The following UQCC1 variants were observed in gnomAD, a reference collection of about 807,000 sequenced individuals.
The protein encoded by UQCC1 is ubiquinol-cytochrome c reductase complex assembly factor 1, also known as bFGF-repressed Zic-binding protein.
In UQCC1, 38 loss-of-function variants were observed where a neutral mutation model predicts 48.0. The observed-to-expected ratio is 0.79, with a 90% CI of 0.61 to 1.04. The LOEUF (loss-of-function observed/expected upper bound fraction) is 1.04. UQCC1 is among the 50% of genes least tolerant of loss of function. The pLI is 0.00. For synonymous variants in UQCC1, 111 were observed against 129.2 expected, an observed-to-expected ratio of 0.86 and a Z score of 0.95; for missense variants, 368 against 381.8, an observed-to-expected ratio of 0.96 and a Z score of 0.30.
At chr20:35,404,347 G>C (rs971328217) in intron 1 of UQCC1, among the ~76,000 whole-genome samples, 1 of 148,002 alleles carries the variant, frequency 6.8e-6, no homozygotes, top group Non-Finnish European at 1.5e-5. Flanking sequence ...TCCAGCCTGG[G>C]TGACAGAGCG....
intron 4 of UQCC1, among the ~76,000 whole-genome samples, chr20:35,379,177 A>C (rs2061837520): frequency 6.6e-6 from 1 of 152,256 alleles, no homozygotes; most frequent in Non-Finnish European, 1.5e-5. Flanking sequence ...TGATTCCAAG[A>C]TACTCAAATA....
intron 5 of UQCC1, among the ~76,000 whole-genome samples, chr20:35,372,944 T>C (rs2061751664): frequency 1.3e-5 from 2 of 152,216 alleles, no homozygotes; most frequent in African/African-American, 4.8e-5. Flanking sequence ...TTCATTGTTG[T>C]GAACACAATT....
chr20:35,411,414 G>T (rs1233706483), intron 1 of UQCC1, among the ~76,000 whole-genome samples: 1 of 152,192 alleles, frequency 6.6e-6, no homozygotes, highest in East Asian at 1.9e-4. Flanking sequence ...TTCTCACGCA[G>T]CTTTCAATCT....
At chr20:35,368,912 T>C (rs1343573764) in intron 5 of UQCC1, among the ~76,000 whole-genome samples, 1 of 152,208 alleles carries the variant, frequency 6.6e-6, no homozygotes, top group Non-Finnish European at 1.5e-5. Flanking sequence ...ACCCTCCACC[T>C]AGACAAGAAT....
chr20:35,387,814 T>A (rs1175412232), intron 2 of UQCC1, among the ~76,000 whole-genome samples: 2 of 136,892 alleles, frequency 1.5e-5, no homozygotes, highest in Non-Finnish European at 3.3e-5. Flanking sequence ...TTTTTTTTTT[T>A]AAGTTTCATT....
intron 2 of UQCC1, among the ~76,000 whole-genome samples, chr20:35,392,626 C>T (rs1008699336): frequency 3.3e-5 from 5 of 152,156 alleles, no homozygotes; most frequent in Admixed American, 1.3e-4. Context: ...TGCATAACTA[C>T]CCAAAGTAGA....
At chr20:35,377,074 C>G (rs2061810817) in intron 4 of UQCC1, among the ~76,000 whole-genome samples, 1 of 151,984 alleles carries the variant, frequency 6.6e-6, no homozygotes, top group Non-Finnish European at 1.5e-5. Flanking sequence ...TTCAATAAGG[C>G]CAACCTTATC....
At chr20:35,316,136 G>C (rs1479727341) in intron 7 of UQCC1, among the ~76,000 whole-genome samples, 1 of 152,216 alleles carries the variant, frequency 6.6e-6, no homozygotes, top group Non-Finnish European at 1.5e-5. Flanking sequence ...GTATAGCACA[G>C]AGTAAGGACT....
chr20:35,348,121 A>G (rs2146391431), intron 6 of UQCC1, among the ~76,000 whole-genome samples: 1 of 152,308 alleles, frequency 6.6e-6, no homozygotes, highest in Middle Eastern at 3.4e-3. Flanking sequence ...CCAGGGCTTA[A>G]GTACAGTAGG....
At chr20:35,316,429 T>C (rs1235055344) in intron 7 of UQCC1, among the ~76,000 whole-genome samples, 1 of 152,158 alleles carries the variant, frequency 6.6e-6, no homozygotes, top group East Asian at 1.9e-4. Flanking sequence ...GAGTCCACAC[T>C]CCTTACAGTC....
rs916517967 is a variant in UQCC1, at chr20:35,411,943, G to C, written c.21C>G (p.Val7=). The C allele has an allele frequency of 1.1e-5, 18 of 1,614,048 alleles. No individual in the cohort carries two copies. Among genetic ancestry groups the C allele is most frequent in the Middle Eastern group, 1.6e-4 (1 of 6,084 alleles). The change falls in exon 1 of 10, where the codon GTC becomes GTG. Residue 7 remains valine, a synonymous_variant. Transcript: ENST00000374385. MALLVR[V]LRNQTSISQW... is the part of the protein sequence containing the mutation. ...AGAAAATTACTCCTTCACTCACAAG[G>C]ACTCGCACCAGCAACGCCATGTTCC... is the stretch of plus-strand genomic sequence containing the variant.
At chr20:35,400,547 G>C (rs980093241) in intron 1 of UQCC1, among the ~76,000 whole-genome samples, 16 of 150,272 alleles carry the variant, frequency 1.1e-4, no homozygotes, top group Non-Finnish European at 2.1e-4. Context: ...CCAGGCTGGA[G>C]TGCAGTGGTG....
Position 35,370,563 on chromosome 20 carries a change from T to G in UQCC1, c.406+3621A>C, listed in dbSNP as rs559502574. Reference sequence around the variant, plus strand: ...ATGACAAAGATGGGCCACAACAGAATGTAATAAAAATGAACATGCTATAGG... The same window carrying G: ...ATGACAAAGATGGGCCACAACAGAAGGTAATAAAAATGAACATGCTATAGG... On this transcript the variant is annotated intron_variant, in intron 5 of 9. Transcript: ENST00000374385. Among the ~76,000 whole-genome samples, 3 of 152,280 alleles carry G rather than the reference T, an allele frequency of 2.0e-5. No individual in the cohort carries two copies. In the East Asian group the frequency reaches 5.8e-4, roughly 29 times the overall value.
At chr20:35,369,709 T>C (rs1164349092) in intron 5 of UQCC1, among the ~76,000 whole-genome samples, 4 of 152,254 alleles carry the variant, frequency 2.6e-5, no homozygotes, top group Non-Finnish European at 5.9e-5. Context: ...ATAAGGCCTA[T>C]AAAATGTTTA....
At chr20:35,322,103 A>G (rs2061137822) in intron 7 of UQCC1, among the ~76,000 whole-genome samples, 1 of 152,174 alleles carries the variant, frequency 6.6e-6, no homozygotes, top group African/African-American at 2.4e-5. Context: ...TATAGCTATA[A>G]TCTACTTTGG....
At chr20:35,369,828 C>G (rs901893383) in intron 5 of UQCC1, among the ~76,000 whole-genome samples, 2 of 152,170 alleles carry the variant, frequency 1.3e-5, no homozygotes, top group Non-Finnish European at 2.9e-5. Flanking sequence ...AAAAACCCCA[C>G]TAATTATTTC....
chr20:35,309,655 T>C (rs1028250081), intron 8 of UQCC1, among the ~76,000 whole-genome samples: 2 of 152,174 alleles, frequency 1.3e-5, no homozygotes, highest in African/African-American at 4.8e-5. Context: ...TTTTCCCTCG[T>C]GACACAATGA....
intron 5 of UQCC1, among the ~76,000 whole-genome samples, chr20:35,369,013 C>G (rs537131805): frequency 6.6e-6 from 1 of 152,342 alleles, no homozygotes; most frequent in Non-Finnish European, 1.5e-5. Flanking sequence ...TCTTGGAAGT[C>G]TGTCTTTCAA....
Position 35,304,053 on chromosome 20 carries a change from G to A in UQCC1, c.782C>T (p.Ser261Phe). The change falls in exon 10 of 10, where the codon TCC (serine) becomes TTC (phenylalanine). Residue 261 changes from serine (S) to phenylalanine (F), a missense_variant. Ser to Phe is a radical substitution (Grantham distance 155). Transcript: ENST00000374385. ...CAGAAGCAGATCCTCCCCGTTCATG[G>A]AGTCCAGGTACTGTATCTGCAACCA... ...YVRKQIQYLD[S>F]MNGEDLLLTG... 6.2e-7 allele frequency: 1 copy of A among 1,614,158 alleles called. No individual in the cohort carries two copies.
Sources: allele counts gnomAD v4.1 joint callset (sites outside exome capture counted in the v4.1 genomes callset), GRCh38; gene constraint gnomAD v4.1.1; transcripts MANE v1.5; gene names NCBI Gene and HGNC (gene_info 2026-07-23, HGNC 2026-07-21).